Variants in ZBTB20 observed in about 807,000 individuals in gnomAD.
ZBTB20 encodes zinc finger and BTB domain containing 20, also known as zinc finger and BTB domain-containing protein 20.
A neutral mutation model predicts 56.9 loss-of-function variants in ZBTB20; 9 were observed. The observed-to-expected ratio is 0.16, with a 90% CI of 0.10 to 0.28. The LOEUF (loss-of-function observed/expected upper bound fraction) is 0.28, where lower values mean the gene tolerates loss of function less well. Ranked by LOEUF, ZBTB20 falls within the 10% of genes least tolerant of loss-of-function variation. The pLI, the probability that ZBTB20 is intolerant of heterozygous loss-of-function variation, is 1.00. For synonymous variants in ZBTB20, 417 were observed against 420.7 expected, an observed-to-expected ratio of 0.99 and a Z score of 0.11; for missense variants, 655 against 1,003.0, an observed-to-expected ratio of 0.65 and a Z score of 4.69.
intron 5 of ZBTB20, among the ~76,000 whole-genome samples, chr3:114,761,811 G>A (rs1433845289): frequency 6.6e-6 from 1 of 150,992 alleles, no homozygotes; most frequent in East Asian, 1.9e-4. Flanking sequence ...TCTGGCCTGG[G>A]TGACAGAGCC....
chr3:114,688,536 G>A (rs2062494866), intron 6 of ZBTB20, among the ~76,000 whole-genome samples: 1 of 152,072 alleles, frequency 6.6e-6, no homozygotes, highest in Admixed American at 6.6e-5. Context: ...TCAGACATGA[G>A]AAAATGAGAA....
chr3:114,454,124 TG>T (rs1215764209), intron 7 of ZBTB20, among the ~76,000 whole-genome samples: 2 of 94,126 alleles, frequency 2.1e-5, no homozygotes, highest in South Asian at 3.4e-4. Flanking sequence ...GGAAGAGGGA[TG>T]GGGGGCAGAG....
intron 5 of ZBTB20, among the ~76,000 whole-genome samples, chr3:114,730,256 T>G (rs1044635795): frequency 1.3e-5 from 2 of 152,016 alleles, no homozygotes; most frequent in African/African-American, 4.8e-5. Context: ...GTGATGACCT[T>G]GAGCAACAGG....
chr3:114,706,864 G>A (rs752079442), intron 5 of ZBTB20, among the ~76,000 whole-genome samples: 1 of 152,072 alleles, frequency 6.6e-6, no homozygotes, highest in African/African-American at 2.4e-5. Context: ...ATCAAATGAC[G>A]AGAGTAGTTT....
intron 5 of ZBTB20, among the ~76,000 whole-genome samples, chr3:114,743,969 T>C (rs2066832050): frequency 7.0e-6 from 1 of 142,398 alleles, no homozygotes; most frequent in Non-Finnish European, 1.6e-5. Flanking sequence ...CCAGAGGTTA[T>C]GCAATTAGCT....
intron 1 of ZBTB20, among the ~76,000 whole-genome samples, chr3:115,109,132 T>C (rs1310046756): frequency 6.6e-6 from 1 of 152,202 alleles, no homozygotes; most frequent in Non-Finnish European, 1.5e-5. Flanking sequence ...TTCTGCTGCC[T>C]GGTCAATCCT....
At chr3:114,344,187 C>T (rs2080012612) in intron 11 of ZBTB20, among the ~76,000 whole-genome samples, 1 of 152,234 alleles carries the variant, frequency 6.6e-6, no homozygotes, top group South Asian at 2.1e-4. Flanking sequence ...TGGGAACATG[C>T]TGCATTCACA....
intron 4 of ZBTB20, among the ~76,000 whole-genome samples, chr3:114,868,593 T>A (rs1374313931): frequency 6.6e-6 from 1 of 152,220 alleles, no homozygotes; most frequent in Admixed American, 6.5e-5. Flanking sequence ...AACAGAAATG[T>A]AAGTCTGCTA....
At chr3:115,119,150 C>A (rs903905661) in intron 1 of ZBTB20, among the ~76,000 whole-genome samples, 1 of 152,088 alleles carries the variant, frequency 6.6e-6, no homozygotes, top group Admixed American at 6.5e-5. Flanking sequence ...CCTCTCAAGA[C>A]CACAATTTAA....
At chr3:115,030,417 C>T (rs2080619655) in intron 2 of ZBTB20, among the ~76,000 whole-genome samples, 1 of 151,178 alleles carries the variant, frequency 6.6e-6, no homozygotes, top group South Asian at 2.1e-4. Flanking sequence ...ACATGTATTA[C>T]TCCACCCCTA....
intron 5 of ZBTB20, among the ~76,000 whole-genome samples, chr3:114,739,979 A>C (rs2066459208): frequency 6.6e-6 from 1 of 152,238 alleles, no homozygotes; most frequent in Admixed American, 6.5e-5. Flanking sequence ...AATTTTACAA[A>C]CATGTTAGTA....
chr3:114,872,704 A>G lies in ZBTB20; in HGVS notation c.-417+27600T>C, dbSNP rs1457017912. On this transcript the variant is annotated intron_variant, in intron 4 of 11. Transcript: ENST00000675478. ...TACTCATACTCACTGTTTGAAGTAC[A>G]AACTAAGAGGAATCAGAGGATCAAA... Among the ~76,000 whole-genome samples the G allele has an allele frequency of 3.9e-5, 6 of 152,172 alleles. No homozygotes were observed. In the East Asian group the frequency reaches 1.2e-3, roughly 29 times the overall value.
At chr3:114,784,505 T>A (rs2070348548) in intron 5 of ZBTB20, among the ~76,000 whole-genome samples, 1 of 152,220 alleles carries the variant, frequency 6.6e-6, no homozygotes. Flanking sequence ...GTCTTAAATA[T>A]AGTGAAAATG....
chr3:114,424,599 G>A (rs1392929724), intron 7 of ZBTB20, among the ~76,000 whole-genome samples: 2 of 152,194 alleles, frequency 1.3e-5, no homozygotes, highest in Non-Finnish European at 2.9e-5. Flanking sequence ...GGAGCAAAGC[G>A]CTATTCCTAA....
At chr3:114,964,561 G>A (rs2077575281) in intron 3 of ZBTB20, among the ~76,000 whole-genome samples, 1 of 152,114 alleles carries the variant, frequency 6.6e-6, no homozygotes, top group African/African-American at 2.4e-5. Context: ...GTTTTTTCTG[G>A]GTCATGTGCA....
intron 3 of ZBTB20, among the ~76,000 whole-genome samples, chr3:114,969,978 T>C (rs771189317): frequency 3.3e-5 from 5 of 152,210 alleles, no homozygotes; most frequent in Non-Finnish European, 7.3e-5. Flanking sequence ...AGAAAACACA[T>C]TTGAAAAGCA....
intron 6 of ZBTB20, among the ~76,000 whole-genome samples, chr3:114,506,635 A>G (rs1428566721): frequency 6.6e-6 from 1 of 152,174 alleles, no homozygotes; most frequent in Non-Finnish European, 1.5e-5. Context: ...GTAGCTCTAT[A>G]AATTCCAAAG....
At chr3:114,678,340 G>A (rs1486662959) in intron 6 of ZBTB20, among the ~76,000 whole-genome samples, 1 of 152,076 alleles carries the variant, frequency 6.6e-6, no homozygotes, top group Non-Finnish European at 1.5e-5. Flanking sequence ...GTTTTAAAAT[G>A]CACACATAAA....
At chr3:114,990,573 T>G (rs574660838) in intron 2 of ZBTB20, among the ~76,000 whole-genome samples, 157 of 152,272 alleles carry the variant, frequency 1.0e-3, no homozygotes, top group Middle Eastern at 3.4e-3. Flanking sequence ...TCTCTTTTTT[T>G]GTGGTGTCTC....
Sources: allele counts gnomAD v4.1 joint callset (sites outside exome capture counted in the v4.1 genomes callset), GRCh38; gene constraint gnomAD v4.1.1; transcripts MANE v1.5; gene names NCBI Gene and HGNC (gene_info 2026-07-23, HGNC 2026-07-21).